WDFY3: variants seen among roughly 807,000 people sequenced by gnomAD.
WDFY3 encodes the protein WD repeat and FYVE domain-containing protein 3.
WDFY3 carries 66 observed loss-of-function variants against 409.6 expected under a neutral mutation model. The ratio of observed to expected loss-of-function variants is 0.16; its 90% CI spans 0.13 to 0.20. WDFY3 has a LOEUF of 0.20. WDFY3 is among the 10% of genes least tolerant of loss of function. The pLI is 1.00. For missense variants in WDFY3, 3,031 were observed against 4,298.1 expected (o/e 0.71, Z 8.24); for synonymous variants, 1,521 against 1,537.1 (o/e 0.99, Z 0.25).
chr4:84,813,825 C>T (rs1014547547), intron 13 of WDFY3, among the ~76,000 whole-genome samples: 1 of 152,154 alleles, frequency 6.6e-6, no homozygotes, highest in Non-Finnish European at 1.5e-5. Flanking sequence ...TCTATGTTCT[C>T]CCAACAATTC....
At chr4:84,821,660 T>A in intron 10 of WDFY3, 109 bp from the exon 11 acceptor site, 1 of 932,398 alleles carries the variant, frequency 1.1e-6, no homozygotes, top group Non-Finnish European at 1.6e-6. Context: ...AATTATTTAC[T>A]AAGAACATAA....
intron 2 of WDFY3, among the ~76,000 whole-genome samples, chr4:84,924,777 T>C (rs888106354): frequency 6.6e-6 from 1 of 152,172 alleles, no homozygotes; most frequent in Non-Finnish European, 1.5e-5. Flanking sequence ...ATGAACATCA[T>C]TTAAAACTAA....
chr4:84,839,960 T>C (rs1053865197), intron 6 of WDFY3, among the ~76,000 whole-genome samples: 1 of 152,106 alleles, frequency 6.6e-6, no homozygotes, highest in East Asian at 1.9e-4. Flanking sequence ...ATAATTACTT[T>C]GGGTTACTGA....
intron 2 of WDFY3, among the ~76,000 whole-genome samples, chr4:84,898,499 G>A (rs879851931): frequency 2.6e-5 from 4 of 152,194 alleles, no homozygotes; most frequent in East Asian, 3.9e-4. Context: ...TCCCACTCAC[G>A]GATACAGTCT....
intron 6 of WDFY3, among the ~76,000 whole-genome samples, chr4:84,840,374 T>A (rs535894620): frequency 1.1e-4 from 16 of 152,332 alleles, no homozygotes; most frequent in South Asian, 8.3e-4. Context: ...CCATTAAAAT[T>A]TAAAACTATT....
At chr4:84,740,800 T>A (rs1738276293) in intron 38 of WDFY3, among the ~76,000 whole-genome samples, 1 of 152,124 alleles carries the variant, frequency 6.6e-6, no homozygotes, top group African/African-American at 2.4e-5. Flanking sequence ...GTTACTAAAA[T>A]CATTTTTTTT....
chr4:84,789,935 A>C lies in WDFY3; in HGVS notation c.3488-28T>G, dbSNP rs781577438. 9.3e-6 allele frequency: 15 copies of C among 1,609,838 alleles called. No individual in the cohort carries two copies. The Middle Eastern group carries it at 5.0e-4, about 53-fold the overall frequency. On this transcript the variant is annotated intron_variant, in intron 21 of 67. Coordinates refer to ENST00000295888, the MANE Select transcript of WDFY3 (RefSeq NM_014991.6). Reference sequence around the variant, plus strand: ...GAAATAAAGGGGGGAAGACATAAAAACTTTTTCCAACACCATCCCTATTCA... The same window carrying C: ...GAAATAAAGGGGGGAAGACATAAAACCTTTTTCCAACACCATCCCTATTCA...
At chr4:84,911,671 C>T (rs779519603) in intron 2 of WDFY3, among the ~76,000 whole-genome samples, 1 of 152,018 alleles carries the variant, frequency 6.6e-6, no homozygotes, top group Non-Finnish European at 1.5e-5. Flanking sequence ...ATCTTACAGA[C>T]AAACTTCATA....
intron 2 of WDFY3, among the ~76,000 whole-genome samples, chr4:84,899,005 A>C (rs949729789): frequency 4.6e-5 from 7 of 152,206 alleles, no homozygotes; most frequent in African/African-American, 9.6e-5. Flanking sequence ...GCATTGAAAC[A>C]AAGTCTTCTA....
At chr4:84,814,999 G>A (rs1257510757) in intron 13 of WDFY3, among the ~76,000 whole-genome samples, 1 of 151,986 alleles carries the variant, frequency 6.6e-6, no homozygotes, top group Non-Finnish European at 1.5e-5. Context: ...GCACATATGA[G>A]GTAGACATGT....
intron 3 of WDFY3, among the ~76,000 whole-genome samples, chr4:84,896,232 G>A (rs1297402966): frequency 6.6e-6 from 1 of 151,874 alleles, no homozygotes; most frequent in East Asian, 1.9e-4. Context: ...CTCCAGCCTG[G>A]CAACAGAGCG....
intron 16 of WDFY3, 54 bp from the exon 17 acceptor site, chr4:84,801,918 A>T: frequency 6.4e-6 from 10 of 1,552,248 alleles, no homozygotes; most frequent in Non-Finnish European, 8.8e-6. Context: ...GAGAAAGATG[A>T]CAATTCTTTT....
intron 35 of WDFY3, among the ~76,000 whole-genome samples, chr4:84,752,335 G>A (rs997007646): frequency 3.9e-5 from 6 of 151,952 alleles, no homozygotes; most frequent in Non-Finnish European, 8.8e-5. Flanking sequence ...CCAACATGGC[G>A]AAACCCCATC....
At chr4:84,899,821 G>A (rs1766112990) in intron 2 of WDFY3, among the ~76,000 whole-genome samples, 2 of 152,074 alleles carry the variant, frequency 1.3e-5, no homozygotes. Flanking sequence ...GATCACTTAA[G>A]GCCTGGAGTT....
intron 1 of WDFY3, among the ~76,000 whole-genome samples, chr4:84,947,145 T>C (rs911122819): frequency 2.6e-5 from 4 of 151,878 alleles, no homozygotes; most frequent in African/African-American, 4.8e-5. Flanking sequence ...AAATTGAAGA[T>C]GCAAGGCAGA....
At chr4:84,864,801 G>T (rs923929036) in intron 3 of WDFY3, among the ~76,000 whole-genome samples, 1 of 152,166 alleles carries the variant, frequency 6.6e-6, no homozygotes, top group Non-Finnish European at 1.5e-5. Context: ...TGGAAACTGT[G>T]ACTCTAGTTA....
At chr4:84,704,158 C>A (rs575332729) in intron 55 of WDFY3, among the ~76,000 whole-genome samples, 180 bp downstream of exon 55, 3 of 152,134 alleles carry the variant, frequency 2.0e-5, no homozygotes, top group Non-Finnish European at 4.4e-5. Context: ...TTGTTCTAAG[C>A]GAATTCTAGT....
At chr4:84,778,758 C>A in intron 26 of WDFY3, 103 bp from the exon 27 acceptor site, 2 of 1,082,354 alleles carry the variant, frequency 1.8e-6, no homozygotes, top group Non-Finnish European at 2.6e-6. Context: ...CATACACACA[C>A]AAACACACAC....
intron 5 of WDFY3, among the ~76,000 whole-genome samples, chr4:84,841,874 T>C (rs1476461229): frequency 6.6e-6 from 1 of 152,140 alleles, no homozygotes; most frequent in African/African-American, 2.4e-5. Flanking sequence ...ACTATTAATC[T>C]AGTAGTAATG....
Sources: allele counts gnomAD v4.1 joint callset (sites outside exome capture counted in the v4.1 genomes callset), GRCh38; gene constraint gnomAD v4.1.1; transcripts MANE v1.5; gene names NCBI Gene and HGNC (gene_info 2026-07-23, HGNC 2026-07-21).